ABCC8: variants seen among roughly 807,000 people sequenced by gnomAD.
The protein encoded by ABCC8 is ATP-binding cassette sub-family C member 8.
In ABCC8, 137 loss-of-function variants were observed where a neutral mutation model predicts 188.0. The observed-to-expected ratio is 0.73, with a 90% CI of 0.63 to 0.84. The LOEUF (loss-of-function observed/expected upper bound fraction) is 0.84, where lower values mean the gene tolerates loss of function less well. Among genes scored for constraint, ABCC8 ranks in the 40% least tolerant of loss-of-function variants. The pLI is 0.00. For synonymous variants in ABCC8, 797 were observed against 846.5 expected (o/e 0.94, Z 1.01); for missense variants, 1,750 against 2,072.7 (o/e 0.84, Z 3.02).
intron 7 of ABCC8, among the ~76,000 whole-genome samples, chr11:17,449,088 C>T (rs1956656888): frequency 6.6e-6 from 1 of 152,106 alleles, no homozygotes; most frequent in Admixed American, 6.5e-5. Context: ...CTACCATGCC[C>T]AGCTAATTTT....
At position 17,431,616 on chromosome 11, in the gene ABCC8, C is replaced by G. The variant is rs184192355; in HGVS notation, c.1671+588G>C. ...AGGGGCCCAGGCCTTTCTGTAGGAG[C>G]ATGCTGCTTGACCCCCATGGCTCAG... On this transcript the variant is annotated intron_variant, in intron 11 of 38. Coordinates refer to ENST00000389817, the MANE Select transcript of ABCC8 (RefSeq NM_000352.6). Among the ~76,000 whole-genome samples the G allele has an allele frequency of 2.6e-3, 394 of 152,342 alleles. 1 individual carries two copies. In the Middle Eastern group the frequency reaches 0.034, roughly 13 times the overall value.
At position 17,452,997 on chromosome 11, in the gene ABCC8, G is replaced by A; in HGVS notation, c.1176+122C>T. 3 of 990,924 alleles carry A rather than the reference G, an allele frequency of 3.0e-6. No homozygotes were observed. In the South Asian group the frequency reaches 3.9e-5, roughly 13 times the overall value. The allele number at this position is 990,924 out of a possible 1,614,324, so 61.4% of individuals were successfully genotyped here. On this transcript the variant is annotated intron_variant, in intron 7 of 38. Coordinates refer to ENST00000389817, the MANE Select transcript of ABCC8 (RefSeq NM_000352.6). ...TACTGTTTTAAAACATCGTTAATGG[G>A]CAACAAAAAATAAATTTACAGCAGA...
At chr11:17,394,517 G>A in intron 36 of ABCC8, 118 bp from the exon 37 acceptor site, 1 of 1,539,088 alleles carries the variant, frequency 6.5e-7, no homozygotes, top group Non-Finnish European at 8.8e-7. Context: ...ATAGGTGGGT[G>A]TGTGTCCAAG....
At chr11:17,415,003 A>AG (rs1954997250) in intron 18 of ABCC8, among the ~76,000 whole-genome samples, 66 of 145,398 alleles carry the variant, frequency 4.5e-4, no homozygotes, top group African/African-American at 1.7e-3. Context: ...AAATGGAAGA[A>AG]CTTTTTTTTT....
At chr11:17,417,469 G>A (rs1336380326) in intron 16 of ABCC8, among the ~76,000 whole-genome samples, 1 of 152,124 alleles carries the variant, frequency 6.6e-6, no homozygotes, top group Non-Finnish European at 1.5e-5. Context: ...TAAATATAGT[G>A]GACTGTAATG....
intron 20 of ABCC8, chr11:17,413,035 C>T (rs1012444831): frequency 3.1e-6 from 2 of 640,538 alleles, no homozygotes; most frequent in Non-Finnish European, 5.2e-6. Context: ...AAAAGGAGGA[C>T]AGTCACAGGA....
At chr11:17,438,831 AG>A (rs1956205222) in intron 10 of ABCC8, among the ~76,000 whole-genome samples, 1 of 152,300 alleles carries the variant, frequency 6.6e-6, no homozygotes, top group African/African-American at 2.4e-5. Context: ...TTGCTGTGGA[AG>A]ACCTCACTGA....
chr11:17,438,991 C>A (rs1425026127), intron 10 of ABCC8, among the ~76,000 whole-genome samples: 1 of 152,206 alleles, frequency 6.6e-6, no homozygotes, highest in African/African-American at 2.4e-5. Context: ...GCTCTCGCTG[C>A]CACACTGTTC....
chr11:17,417,770 A>G (rs139905953), intron 16 of ABCC8, among the ~76,000 whole-genome samples: 1 of 152,272 alleles, frequency 6.6e-6, no homozygotes, highest in African/African-American at 2.4e-5. Context: ...TCTCTCTCAG[A>G]CAGGGTTTCA....
chr11:17,472,199 G>C (rs1486562309), intron 2 of ABCC8, among the ~76,000 whole-genome samples: 1 of 152,108 alleles, frequency 6.6e-6, no homozygotes, highest in Non-Finnish European at 1.5e-5. Context: ...TTCATGACAT[G>C]GCTTCATAGA....
intron 23 of ABCC8, 123 bp from the exon 24 acceptor site, chr11:17,407,576 G>A (rs1954604596): frequency 2.0e-6 from 3 of 1,511,066 alleles, no homozygotes; most frequent in South Asian, 2.4e-5. Flanking sequence ...CCCTGCCTGA[G>A]GGAGGGGCAG....
At chr11:17,466,617 C>T (rs1262561555) in intron 3 of ABCC8, among the ~76,000 whole-genome samples, 2 of 127,956 alleles carry the variant, frequency 1.6e-5, no homozygotes, top group Non-Finnish European at 3.4e-5. Context: ...TGTGAATATA[C>T]TTTTTTTTTC....
At chr11:17,409,032 C>A (rs1954680079) in intron 22 of ABCC8, among the ~76,000 whole-genome samples, 1 of 150,318 alleles carries the variant, frequency 6.7e-6, no homozygotes, top group South Asian at 2.1e-4. Context: ...CAGCTCACTG[C>A]AATCTCTGCT....
chr11:17,402,770 A>T lies in ABCC8; in HGVS notation c.3558-17T>A. ...TGCAGGTCCCTGTGGCGGGGAACAG[A>T]GTGGAACAGTTAAGAGGGCAGGCTC... On this transcript the variant is annotated splice_polypyrimidine_tract_variant and intron_variant, in intron 28 of 38. Transcript: ENST00000389817. 2.5e-6 allele frequency: 4 copies of T among 1,614,144 alleles called. No homozygotes were observed. The highest frequency in any genetic ancestry group is 3.4e-6 in the Non-Finnish European group (4 of 1,180,018).
At chr11:17,450,530 G>A (rs1956769686) in intron 7 of ABCC8, among the ~76,000 whole-genome samples, 1 of 149,564 alleles carries the variant, frequency 6.7e-6, no homozygotes, top group African/African-American at 2.5e-5. Flanking sequence ...GAGTAGCTGG[G>A]ACTACAGGCA....
rs1165043315 is a variant in ABCC8 at position 17,423,238 on chromosome 11, T to C, written c.2222+3811A>G. Among the ~76,000 whole-genome samples the C allele has an allele frequency of 2.1e-4, 31 of 150,854 alleles. No homozygotes were observed. The Admixed American group carries it at 2.1e-3, about 10-fold the overall frequency. On this transcript the variant is annotated intron_variant, in intron 16 of 38. Coordinates refer to ENST00000389817, the MANE Select transcript of ABCC8 (RefSeq NM_000352.6). ...CCGGCATGGTGGTGTACACCTGTAGTCCCAGCTACTTGGGAGGCTGAAGCA... is the reference window on the plus strand; with the variant it reads ...CCGGCATGGTGGTGTACACCTGTAGCCCCAGCTACTTGGGAGGCTGAAGCA...
chr11:17,450,279 TTTCTTTCTTTC>T (rs1448086576), intron 7 of ABCC8, among the ~76,000 whole-genome samples: 1 of 134,776 alleles, frequency 7.4e-6, no homozygotes, highest in African/African-American at 3.3e-5. Context: ...TCTTTCTTTC[TTTCTTTCTTTC>T]TTTCTTTCTT....
At chr11:17,416,345 C>A (rs972462800) in intron 17 of ABCC8, among the ~76,000 whole-genome samples, 4 of 152,124 alleles carry the variant, frequency 2.6e-5, no homozygotes, top group African/African-American at 9.7e-5. Context: ...AGCAACAAGA[C>A]TGAATTTTCT....
At chr11:17,403,492 T>C (rs766969798) in intron 28 of ABCC8, among the ~76,000 whole-genome samples, 13 of 152,206 alleles carry the variant, frequency 8.5e-5, no homozygotes, top group Non-Finnish European at 1.6e-4. Context: ...GTTGTTCGTG[T>C]GGGTGTCGGG....
Sources: allele counts gnomAD v4.1 joint callset (sites outside exome capture counted in the v4.1 genomes callset), GRCh38; gene constraint gnomAD v4.1.1; transcripts MANE v1.5; gene names NCBI Gene and HGNC (gene_info 2026-07-23, HGNC 2026-07-21).